Variants in CSMD1 observed in about 807,000 individuals in gnomAD.
The protein encoded by CSMD1 is CUB and sushi domain-containing protein 1.
In CSMD1, 213 loss-of-function variants were observed where a neutral mutation model predicts 417.5. The ratio of observed to expected loss-of-function variants is 0.51; its 90% CI spans 0.46 to 0.57. The LOEUF (loss-of-function observed/expected upper bound fraction) is 0.57, where lower values mean the gene tolerates loss of function less well. Among genes scored for constraint, CSMD1 ranks in the 20% least tolerant of loss-of-function variants. The probability of loss-of-function intolerance (pLI) is 0.00; values close to 1 mark genes in which losing one functional copy is unlikely to be tolerated. For synonymous variants in CSMD1, 2,862 were observed against 1,736.8 expected (o/e 1.65, Z -16.11); for missense variants, 6,923 against 4,529.7 (o/e 1.53, Z -15.17).
chr8:4,740,947 T>C (rs963264507), intron 1 of CSMD1, among the ~76,000 whole-genome samples: 1 of 152,198 alleles, frequency 6.6e-6, no homozygotes, highest in African/African-American at 2.4e-5. Context: ...CTTATTAACA[T>C]ATATTAAAAA....
intron 5 of CSMD1, among the ~76,000 whole-genome samples, chr8:3,938,006 A>G (rs1810622810): frequency 1.3e-5 from 2 of 152,318 alleles, no homozygotes; most frequent in South Asian, 4.1e-4. Flanking sequence ...AACTAACTAT[A>G]AAACCCAGCA....
chr8:3,301,587 A>C (rs1804410860), intron 25 of CSMD1, among the ~76,000 whole-genome samples: 1 of 152,180 alleles, frequency 6.6e-6, no homozygotes, highest in South Asian at 2.1e-4. Flanking sequence ...GGAGAAACTC[A>C]AGACAGTGTG....
rs1472892761 is a variant in CSMD1, at chr8:4,261,687, G to C, written c.415+158266C>G. 3.9e-5 allele frequency among the ~76,000 whole-genome samples: 6 copies of C among 152,196 alleles called. No individual in the cohort carries two copies. In the East Asian group the frequency reaches 1.2e-3, roughly 29 times the overall value. On this transcript the variant is annotated intron_variant, in intron 3 of 69. Coordinates refer to ENST00000635120, the MANE Select transcript of CSMD1 (RefSeq NM_033225.6). ...GGCCTCCCAAAATGCTGGGACTACA[G>C]GCATGAGTCACCTCTTCTGGCTGAG...
At chr8:3,617,978 ACAACAGTAATCATAT>A (rs1802227354) in intron 7 of CSMD1, among the ~76,000 whole-genome samples, 1 of 152,146 alleles carries the variant, frequency 6.6e-6, no homozygotes, top group Non-Finnish European at 1.5e-5. Flanking sequence ...TACCATAAAA[ACAACAGTAATCATAT>A]CAAGTTTAGC....
intron 2 of CSMD1, among the ~76,000 whole-genome samples, chr8:4,520,306 A>G (rs1481319733): frequency 6.6e-6 from 1 of 152,218 alleles, no homozygotes; most frequent in Non-Finnish European, 1.5e-5. Flanking sequence ...TCACATGACT[A>G]ATGTAGAACA....
At chr8:4,486,816 C>T (rs565775300) in intron 2 of CSMD1, among the ~76,000 whole-genome samples, 24 of 152,234 alleles carry the variant, frequency 1.6e-4, no homozygotes, top group Admixed American at 9.1e-4. Context: ...TGCAAAGGTG[C>T]CTGCAAAAGT....
chr8:3,899,052 G>T (rs917423713), intron 5 of CSMD1, among the ~76,000 whole-genome samples: 2 of 152,160 alleles, frequency 1.3e-5, no homozygotes, highest in Admixed American at 6.5e-5. Flanking sequence ...GAAAACAATT[G>T]AGGTCAATAA....
chr8:4,753,038 G>C (rs1811432838), intron 1 of CSMD1, among the ~76,000 whole-genome samples: 1 of 152,114 alleles, frequency 6.6e-6, no homozygotes, highest in South Asian at 2.1e-4. Context: ...CATAATAAGA[G>C]AAAATACATA....
At chr8:4,318,364 T>G (rs908910600) in intron 3 of CSMD1, among the ~76,000 whole-genome samples, 3 of 152,152 alleles carry the variant, frequency 2.0e-5, no homozygotes, top group Non-Finnish European at 2.9e-5. Context: ...TATGCACACA[T>G]GTGCACACTC....
intron 1 of CSMD1, among the ~76,000 whole-genome samples, chr8:4,944,025 A>C (rs2117250390): frequency 6.6e-6 from 1 of 152,300 alleles, no homozygotes; most frequent in East Asian, 1.9e-4. Flanking sequence ...TTGGGAATCA[A>C]AATAAGCTGG....
At chr8:4,168,647 C>T (rs573219898) in intron 3 of CSMD1, among the ~76,000 whole-genome samples, 2 of 152,060 alleles carry the variant, frequency 1.3e-5, no homozygotes, top group African/African-American at 4.8e-5. Context: ...ATGTTTTCTA[C>T]TCTGGAGTAC....
intron 1 of CSMD1, among the ~76,000 whole-genome samples, chr8:4,708,176 A>G (rs1808071274): frequency 1.3e-5 from 2 of 152,076 alleles, no homozygotes; most frequent in South Asian, 4.1e-4. Flanking sequence ...GCTGGTCTGA[A>G]TCTCCACAAA....
Position 4,247,476 on chromosome 8 carries a change from T to C in CSMD1, c.415+172477A>G, listed in dbSNP as rs548285720. 5.3e-5 allele frequency among the ~76,000 whole-genome samples: 8 copies of C among 152,278 alleles called. No homozygotes were observed. The East Asian group carries it at 7.7e-4, about 15-fold the overall frequency. On this transcript the variant is annotated intron_variant, in intron 3 of 69. Transcript: ENST00000635120. ...TCATGAAAAATGCTTTCTATCTCAA[T>C]ATTTATGCAGGCTCATGTTTTCTTT... is the stretch of plus-strand genomic sequence containing the variant.
intron 1 of CSMD1, among the ~76,000 whole-genome samples, chr8:4,768,911 G>A (rs977118830): frequency 2.0e-5 from 3 of 152,168 alleles, no homozygotes; most frequent in Non-Finnish European, 2.9e-5. Context: ...CAGCAATCTT[G>A]ATAGACGTTA....
At chr8:3,100,954 C>G (rs1019834402) in intron 46 of CSMD1, among the ~76,000 whole-genome samples, 4 of 152,042 alleles carry the variant, frequency 2.6e-5, no homozygotes, top group Non-Finnish European at 5.9e-5. Flanking sequence ...GAAGCTGGAG[C>G]TGGGCAGCGG....
In CSMD1 at chr8:3,087,261, G is replaced by A. The variant is rs368661303; in HGVS notation, c.7310C>T (p.Pro2437Leu). Residue 2437 changes from proline to leucine, a missense_variant, in exon 49 of 70, where the codon CCC (proline) becomes CTC (leucine). By Grantham distance (98) the Pro-to-Leu change is moderately conservative. Transcript: ENST00000635120. ...YAAPYCSLTH[P>L]LKNGGILNRT... The stretch of plus-strand genomic sequence containing the variant: ...GTTTAGAATACCCCCATTCTTCAGG[G>A]GGTGGGTCAAACTGCAGTAAGGTGC... The A allele has an allele frequency of 3.1e-6, 5 of 1,613,778 alleles. No homozygotes were observed. The highest frequency in any genetic ancestry group is 1.1e-5 in the South Asian group (1 of 91,076).
At position 3,062,238 on chromosome 8, in the gene CSMD1, A is replaced by T. The variant is rs571501750; in HGVS notation, c.7475-9591T>A. Among the ~76,000 whole-genome samples, 7 of 152,226 alleles carry T rather than the reference A, an allele frequency of 4.6e-5. No homozygotes were observed. The East Asian group carries it at 1.4e-3, about 29-fold the overall frequency. On this transcript the variant is annotated intron_variant, in intron 49 of 69. Coordinates refer to ENST00000635120, the MANE Select transcript of CSMD1 (RefSeq NM_033225.6). ...GGCACCAAGAAACATCTTATTTGAC[A>T]TGTAGCCATCATCCAATATACCATT...
rs770187784 is a variant in CSMD1, at chr8:3,201,660, T to A, written c.5050A>T (p.Thr1684Ser). The A allele has an allele frequency of 6.2e-7, 1 of 1,605,998 alleles. No individual in the cohort carries two copies. Among genetic ancestry groups the A allele is most frequent in the South Asian group, 1.1e-5 (1 of 88,972 alleles). Residue 1684 changes from threonine to serine, a missense_variant, in exon 32 of 70, where the codon ACC (threonine) becomes TCC (serine). Transcript: ENST00000635120. Reference protein sequence around the residue: ...LNDLAELFDGTHAQARLLSSL... With the variant: ...LNDLAELFDGSHAQARLLSSL... ...CTGAGAAGTCTGGCCTGTGCATGGG[T>A]TCCATCAAATAATTCTGCCAAATCA...
chr8:4,272,668 T>C (rs1804680252), intron 3 of CSMD1, among the ~76,000 whole-genome samples: 1 of 152,204 alleles, frequency 6.6e-6, no homozygotes. Context: ...CCAAACCGAC[T>C]GTAGATGAAC....
Sources: allele counts gnomAD v4.1 joint callset (sites outside exome capture counted in the v4.1 genomes callset), GRCh38; gene constraint gnomAD v4.1.1; transcripts MANE v1.5; gene names NCBI Gene and HGNC (gene_info 2026-07-23, HGNC 2026-07-21).